PTPRD: variants seen among roughly 807,000 people sequenced by gnomAD.
The protein encoded by PTPRD is protein tyrosine phosphatase receptor type D, also known as receptor-type tyrosine-protein phosphatase delta.
PTPRD carries 34 observed loss-of-function variants against 214.5 expected under a neutral mutation model. That is an observed-to-expected ratio of 0.16 (90% CI 0.12 to 0.21). The LOEUF (loss-of-function observed/expected upper bound fraction) is 0.21, where lower values mean the gene tolerates loss of function less well. PTPRD is among the 10% of genes least tolerant of loss of function. PTPRD has a pLI of 1.00. For missense variants in PTPRD, 2,545 were observed against 2,398.7 expected, an observed-to-expected ratio of 1.06 and a Z score of -1.27; for synonymous variants, 1,128 against 845.7, an observed-to-expected ratio of 1.33 and a Z score of -5.79.
At chr9:8,792,423 C>G (rs1308475424) in intron 11 of PTPRD, among the ~76,000 whole-genome samples, 3 of 152,180 alleles carry the variant, frequency 2.0e-5, no homozygotes, top group Admixed American at 2.0e-4. Flanking sequence ...TATGGAAATA[C>G]TAACGGCTAC....
chr9:10,331,529 A>G (rs2096750556), intron 3 of PTPRD, among the ~76,000 whole-genome samples: 1 of 151,762 alleles, frequency 6.6e-6, no homozygotes, highest in Admixed American at 6.6e-5. Context: ...ATAGTAAGAG[A>G]TGGTTCATAA....
intron 3 of PTPRD, among the ~76,000 whole-genome samples, chr9:10,181,228 A>G (rs1192345551): frequency 1.3e-5 from 2 of 152,152 alleles, no homozygotes; most frequent in African/African-American, 4.8e-5. Context: ...ATTTTATATG[A>G]GCAATTTTCA....
chr9:8,631,746 AT>A (rs906236825), intron 14 of PTPRD, among the ~76,000 whole-genome samples: 1 of 151,642 alleles, frequency 6.6e-6, no homozygotes, highest in Non-Finnish European at 1.5e-5. Context: ...CCATTTTGTT[AT>A]TATCTTGGGT....
chr9:10,213,466 G>A (rs2099526229), intron 3 of PTPRD, among the ~76,000 whole-genome samples: 1 of 152,070 alleles, frequency 6.6e-6, no homozygotes, highest in Non-Finnish European at 1.5e-5. Flanking sequence ...GGATGCAGAG[G>A]ACTTCAGGTC....
intron 3 of PTPRD, among the ~76,000 whole-genome samples, chr9:10,092,042 A>G (rs1203970705): frequency 6.6e-6 from 1 of 151,344 alleles, no homozygotes; most frequent in African/African-American, 2.4e-5. Context: ...CACAAGCTTA[A>G]AAATGAAGGA....
At chr9:10,097,123 C>T (rs1412194375) in intron 3 of PTPRD, among the ~76,000 whole-genome samples, 1 of 148,024 alleles carries the variant, frequency 6.8e-6, no homozygotes, top group Non-Finnish European at 1.5e-5. Context: ...CAGTACCATG[C>T]TGTTTTGGTT....
At chr9:8,463,371 G>T (rs1306674738) in intron 32 of PTPRD, among the ~76,000 whole-genome samples, 2 of 149,260 alleles carry the variant, frequency 1.3e-5, no homozygotes, top group Non-Finnish European at 3.0e-5. Flanking sequence ...AAAGGACTTG[G>T]CAAAGAACTA....
chr9:8,677,533 T>C (rs1186288626), intron 12 of PTPRD, among the ~76,000 whole-genome samples: 2 of 151,734 alleles, frequency 1.3e-5, no homozygotes, highest in Non-Finnish European at 2.9e-5. Flanking sequence ...GGGTGGAGGG[T>C]GAGGAGGGTG....
At chr9:10,036,510 A>G (rs1310363105) in intron 3 of PTPRD, among the ~76,000 whole-genome samples, 1 of 107,038 alleles carries the variant, frequency 9.3e-6, no homozygotes. Context: ...ACTCATGCAC[A>G]CACACACACA....
intron 2 of PTPRD, among the ~76,000 whole-genome samples, chr9:10,577,780 AAC>A (rs995393847): frequency 7.9e-5 from 12 of 152,192 alleles, no homozygotes; most frequent in African/African-American, 2.7e-4. Context: ...ACACACATAA[AAC>A]ACATATCACT....
At position 8,573,994 on chromosome 9, in the gene PTPRD, A is replaced by G. The variant is rs138309601; in HGVS notation, c.353-45215T>C. Among the ~76,000 whole-genome samples, 850 of 152,048 alleles carry G rather than the reference A, an allele frequency of 5.6e-3. 6 individuals are homozygous for G. Among genetic ancestry groups the G allele is most frequent in the Middle Eastern group, 0.02 (6 of 294 alleles). On this transcript the variant is annotated intron_variant, in intron 14 of 45. Coordinates refer to ENST00000381196, the MANE Select transcript of PTPRD (RefSeq NM_002839.4). ...TAATTATTCATCCTTGTATTTTCAG[A>G]TAGTTGGAAGAAATGGCAGTTCCAG...
chr9:8,796,804 G>C (rs756149313), intron 11 of PTPRD, among the ~76,000 whole-genome samples: 1 of 151,994 alleles, frequency 6.6e-6, no homozygotes. Context: ...TTATTTTCTA[G>C]AAAATAAAGG....
chr9:8,959,387 G>A (rs1383212515), intron 11 of PTPRD, among the ~76,000 whole-genome samples: 2 of 151,974 alleles, frequency 1.3e-5, no homozygotes, highest in African/African-American at 4.8e-5. Context: ...CAGGAAAATA[G>A]TGGGGAAAGA....
At chr9:8,785,008 A>C (rs2095879583) in intron 11 of PTPRD, among the ~76,000 whole-genome samples, 1 of 152,124 alleles carries the variant, frequency 6.6e-6, no homozygotes, top group Non-Finnish European at 1.5e-5. Context: ...TCTTGTACCA[A>C]CATGCTGCAC....
At chr9:8,808,539 T>C (rs139424827) in intron 11 of PTPRD, among the ~76,000 whole-genome samples, 4 of 146,136 alleles carry the variant, frequency 2.7e-5, no homozygotes, top group Non-Finnish European at 5.9e-5. Context: ...AAAACCATAG[T>C]ACACTAAAGC....
intron 5 of PTPRD, among the ~76,000 whole-genome samples, chr9:9,824,037 G>C (rs2051773978): frequency 6.6e-6 from 1 of 151,864 alleles, no homozygotes; most frequent in East Asian, 1.9e-4. Context: ...AAGAAATGCA[G>C]TCAACTCTTA....
intron 39 of PTPRD, among the ~76,000 whole-genome samples, chr9:8,347,086 G>C (rs1336321350): frequency 6.7e-6 from 1 of 150,344 alleles, no homozygotes; most frequent in Non-Finnish European, 1.5e-5. Flanking sequence ...TATCCCCTGC[G>C]GATAGAGGGG....
intron 14 of PTPRD, among the ~76,000 whole-genome samples, chr9:8,618,942 C>T (rs533391736): frequency 1.8e-3 from 191 of 107,506 alleles, no homozygotes; most frequent in African/African-American, 6.3e-3. Flanking sequence ...TTTTTTTTAC[C>T]GGAAACAGGG....
chr9:10,188,240 T>C (rs2099346853), intron 3 of PTPRD, among the ~76,000 whole-genome samples: 1 of 152,160 alleles, frequency 6.6e-6, no homozygotes, highest in South Asian at 2.1e-4. Context: ...ATATCCTAGA[T>C]GACACTGTAA....
Sources: gnomAD v4.1 joint callset for allele counts (sites outside exome capture counted in the v4.1 genomes callset) on GRCh38, gnomAD v4.1.1 for gene constraint, MANE v1.5 for transcripts, NCBI Gene and HGNC (gene_info 2026-07-23, HGNC 2026-07-21) for gene names.